The following BICRA variants were observed in gnomAD, a reference collection of about 807,000 sequenced individuals.
BICRA encodes the protein BRD4-interacting chromatin-remodeling complex-associated protein.
Under a neutral mutation model 96.9 loss-of-function variants are expected in BICRA, and 31 were observed. The ratio of observed to expected loss-of-function variants is 0.32; its 90% CI spans 0.24 to 0.43. BICRA has a LOEUF of 0.43. BICRA is among the 20% of genes least tolerant of loss of function. The pLI, the probability that BICRA is intolerant of heterozygous loss-of-function variation, is 1.00. For missense variants in BICRA, 2,283 were observed against 2,190.3 expected (o/e 1.04, Z -0.84); for synonymous variants, 1,350 against 1,071.8 (o/e 1.26, Z -5.07).
intron 1 of BICRA, chr19:47,663,633 G>C (rs2123563835): frequency 6.6e-6 from 1 of 152,276 alleles, no homozygotes; most frequent in East Asian, 1.9e-4. Flanking sequence ...GTACACTTCA[G>C]TTTTTACTAT....
chr19:47,673,616 G>C lies in BICRA; in HGVS notation c.41+1G>C. ...GGAGATGCTTACTAGACGTGATTTG[G>C]TGAGTAACGGGCTCCCCACCCCCTG... On this transcript the variant is annotated splice_donor_variant, in intron 3 of 14. Coordinates refer to ENST00000594866, the MANE Select transcript of BICRA (RefSeq NM_001394372.1). LOFTEE classifies it high-confidence loss of function. 1 of 1,610,450 alleles carries C rather than the reference G, an allele frequency of 6.2e-7. No individual in the cohort carries two copies. Among genetic ancestry groups the C allele is most frequent in the Non-Finnish European group, 8.5e-7 (1 of 1,176,790 alleles).
At chr19:47,659,263 A>G (rs12611246) in intron 1 of BICRA, among the ~76,000 whole-genome samples, 17,856 of 152,232 alleles carry the variant, frequency 0.12, 1,233 homozygotes, top group South Asian at 0.2. Flanking sequence ...CAATGATTTT[A>G]GAGATCTAAA....
In BICRA at chr19:47,680,478, G is replaced by A. The variant is rs57047985; in HGVS notation, c.1308G>A (p.Pro436=). The A allele has an allele frequency of 2.7e-5, 42 of 1,541,538 alleles. No individual in the cohort carries two copies. The African/African-American group carries it at 3.8e-4, about 14-fold the overall frequency. Residue 436 remains proline, a synonymous_variant, in exon 6 of 15, where the codon CCG becomes CCA. Transcript: ENST00000594866. ...QPPATTTGAA[P]PQPPGALSKP... ...CGGCCACCACCACCGGAGCGGCCCC[G>A]CCGCAGCCCCCCGGGGCCCTGAGCA...
rs1426723616 is a variant in BICRA at position 47,698,247 on chromosome 19, C to G, written c.3249-387C>G. Among the ~76,000 whole-genome samples the G allele has an allele frequency of 1.3e-5, 2 of 152,136 alleles. No homozygotes were observed. ...AGGATCCAGCCTCCCTCCCTTCTTC[C>G]CGAAGGCTGCACTTTGGAGGAGGCA... On this transcript the variant is annotated intron_variant, in intron 11 of 14. Coordinates refer to ENST00000594866, the MANE Select transcript of BICRA (RefSeq NM_001394372.1). The surrounding 1 kb of genome is among the most constrained non-coding windows in gnomAD (Gnocchi z 4.8).
intron 1 of BICRA, among the ~76,000 whole-genome samples, chr19:47,621,669 T>A (rs2123510793): frequency 6.6e-6 from 1 of 152,068 alleles, no homozygotes; most frequent in South Asian, 2.1e-4. Flanking sequence ...AGAGGGGGTT[T>A]CACCATGTCA....
intron 1 of BICRA, among the ~76,000 whole-genome samples, chr19:47,610,993 A>G (rs1157916371): frequency 6.6e-6 from 1 of 152,194 alleles, no homozygotes; most frequent in Admixed American, 6.5e-5. Context: ...GCTGCTAAGT[A>G]CATTACACGC....
intron 5 of BICRA, among the ~76,000 whole-genome samples, chr19:47,678,594 T>TA (rs1432707696): frequency 6.6e-6 from 1 of 152,124 alleles, no homozygotes; most frequent in Non-Finnish European, 1.5e-5. Flanking sequence ...CGCTGGGTCT[T>TA]ACTCTTGTCA....
chr19:47,637,734 C>T (rs556098567), intron 1 of BICRA, among the ~76,000 whole-genome samples: 33 of 152,236 alleles, frequency 2.2e-4, no homozygotes, highest in African/African-American at 7.0e-4. Flanking sequence ...GCCTTTATTT[C>T]GCTTCCTGTC....
Position 47,665,751 on chromosome 19 carries a change from C to T in BICRA, c.-107-4692C>T, listed in dbSNP as rs117887730. 3.7e-4 allele frequency among the ~76,000 whole-genome samples: 56 copies of T among 152,302 alleles called. 1 individual carries two copies. The East Asian group carries it at 7.1e-3, about 19-fold the overall frequency. On this transcript the variant is annotated intron_variant, in intron 1 of 14. Transcript: ENST00000594866. The stretch of plus-strand genomic sequence containing the variant: ...GTGAGGGTGCACACAGTGCAGGTGC[C>T]GCAGCGCCCCCAAAACTGCTGTTTT...
rs190371183 is a variant in BICRA at position 47,647,259 on chromosome 19, A to C, written c.-107-23184A>C. ...TGATGCCGTATGAATGTTTGTGTGC[A>C]GGCTTTTGTGTGGACACTTGTTTCC... is the stretch of plus-strand genomic sequence containing the variant. On this transcript the variant is annotated intron_variant, in intron 1 of 14. Transcript: ENST00000594866. Among the ~76,000 whole-genome samples, 87 of 151,888 alleles carry C rather than the reference A, an allele frequency of 5.7e-4. No homozygotes were observed. The Middle Eastern group carries it at 0.014, about 24-fold the overall frequency.
chr19:47,682,583 A>G (rs184388701), intron 7 of BICRA, among the ~76,000 whole-genome samples: 243 of 152,098 alleles, frequency 1.6e-3, no homozygotes, highest in African/African-American at 5.5e-3. Context: ...TTTTCCTTCA[A>G]TTTTTACAAA....
intron 7 of BICRA, among the ~76,000 whole-genome samples, chr19:47,683,546 A>G (rs1041021113): frequency 1.3e-5 from 2 of 151,208 alleles, no homozygotes; most frequent in South Asian, 4.2e-4. Context: ...AATAACCATT[A>G]TGCTTACGAG....
intron 4 of BICRA, among the ~76,000 whole-genome samples, chr19:47,674,309 CAGGT>C (rs1260285137): frequency 1.1e-5 from 1 of 87,258 alleles, no homozygotes; most frequent in Admixed American, 1.3e-4. Context: ...TAAAAGTCAC[CAGGT>C]TGTGTAGGCC....
At chr19:47,639,484 A>C (rs373764181) in intron 1 of BICRA, among the ~76,000 whole-genome samples, 12 of 151,118 alleles carry the variant, frequency 7.9e-5, no homozygotes, top group African/African-American at 2.9e-4. Context: ...CCGCTACTAC[A>C]CACCAGGCTA....
chr19:47,608,659 C>A (rs987461257), upstream of BICRA, among the ~76,000 whole-genome samples: 2 of 151,740 alleles, frequency 1.3e-5, no homozygotes, highest in Non-Finnish European at 2.9e-5. Flanking sequence ...CGCCCCTGAA[C>A]CCCCGGGACT....
chr19:47,641,308 ATG>A (rs1013459934), intron 1 of BICRA, among the ~76,000 whole-genome samples: 5 of 151,972 alleles, frequency 3.3e-5, no homozygotes, highest in African/African-American at 1.2e-4. Context: ...AATTTGATAA[ATG>A]TGTACCATTA....
chr19:47,653,752 T>A (rs1485915372), intron 1 of BICRA, among the ~76,000 whole-genome samples: 1 of 152,226 alleles, frequency 6.6e-6, no homozygotes. Context: ...GTTTATCCGT[T>A]CATCCACGGA....
At chr19:47,646,802 T>C (rs754907470) in intron 1 of BICRA, among the ~76,000 whole-genome samples, 1 of 152,222 alleles carries the variant, frequency 6.6e-6, no homozygotes, top group African/African-American at 2.4e-5. Flanking sequence ...TATTGAGATA[T>C]AATTCACATA....
At chr19:47,617,306 T>C (rs1972000021) in intron 1 of BICRA, among the ~76,000 whole-genome samples, 1 of 152,038 alleles carries the variant, frequency 6.6e-6, no homozygotes, top group Admixed American at 6.6e-5. Context: ...GTTTTCTTTT[T>C]TCTTTTTTTT....
Sources: allele counts gnomAD v4.1 joint callset (sites outside exome capture counted in the v4.1 genomes callset), GRCh38; gene constraint gnomAD v4.1.1; non-coding constraint Gnocchi (gnomAD v3.1); transcripts MANE v1.5; gene names NCBI Gene and HGNC (gene_info 2026-07-23, HGNC 2026-07-21).